CD160: variants seen among roughly 807,000 people sequenced by gnomAD.
CD160 encodes CD160 molecule, also known as CD160 antigen.
In CD160, 11 loss-of-function variants were observed where a neutral mutation model predicts 19.2. The ratio of observed to expected loss-of-function variants is 0.57; its 90% CI spans 0.36 to 0.95. The LOEUF is 0.95. Ranked by LOEUF, CD160 falls within the 40% of genes least tolerant of loss-of-function variation. CD160 has a pLI of 0.01. For missense variants in CD160, 182 were observed against 213.2 expected (o/e 0.85, Z 0.91); for synonymous variants, 75 against 81.1 (o/e 0.93, Z 0.40).
In CD160 at chr1:145,728,559, A is replaced by G. The variant is rs587725414; in HGVS notation, c.73+159A>G. 7.3e-5 allele frequency among the ~76,000 whole-genome samples: 10 copies of G among 137,138 alleles called. No homozygotes were observed. In the East Asian group the frequency reaches 1.5e-3, roughly 20 times the overall value. The allele number at this position is 137,138 out of a possible 152,430, so 90.0% of individuals were successfully genotyped here. Reference sequence around the variant, plus strand: ...CGCTCTGTCACCCAGGCTGGAGTGCAGTGGCGCGATCTCGGCTCACTGCAA... The same window carrying G: ...CGCTCTGTCACCCAGGCTGGAGTGCGGTGGCGCGATCTCGGCTCACTGCAA... On this transcript the variant is annotated intron_variant, in intron 3 of 5. Transcript: ENST00000369288.
intron 4 of CD160, among the ~76,000 whole-genome samples, chr1:145,734,008 G>A (rs938834012): frequency 2.0e-5 from 3 of 152,146 alleles, no homozygotes; most frequent in Non-Finnish European, 1.5e-5. Flanking sequence ...CTATCCTCCT[G>A]AGACCCTATT....
chr1:145,732,264 G>A (rs782169902), intron 4 of CD160, among the ~76,000 whole-genome samples: 3 of 152,188 alleles, frequency 2.0e-5, no homozygotes, highest in South Asian at 2.1e-4. Context: ...GAGATGCAAT[G>A]ACTCAAAAAA....
At chr1:145,722,693 G>A (rs1452171905) in intron 1 of CD160, among the ~76,000 whole-genome samples, 1 of 152,168 alleles carries the variant, frequency 6.6e-6, no homozygotes, top group Non-Finnish European at 1.5e-5. Flanking sequence ...TCGGGCTCAC[G>A]CCATTCTCCT....
intron 4 of CD160, among the ~76,000 whole-genome samples, chr1:145,735,126 T>C (rs1553709930): frequency 6.6e-6 from 1 of 151,958 alleles, no homozygotes; most frequent in East Asian, 1.9e-4. Flanking sequence ...AATAATAAAA[T>C]AAAATAAAAA....
intron 1 of CD160, among the ~76,000 whole-genome samples, chr1:145,722,365 G>C (rs1384753452): frequency 2.0e-5 from 3 of 152,236 alleles, no homozygotes; most frequent in African/African-American, 7.2e-5. Context: ...AGATAGTTAA[G>C]TTTCAAAGCC....
At chr1:145,727,517 C>T (rs1553708544) in intron 2 of CD160, among the ~76,000 whole-genome samples, 4 of 151,684 alleles carry the variant, frequency 2.6e-5, no homozygotes. Context: ...CTAAACAATG[C>T]AGGAAACCCA....
chr1:145,730,378 G>T (rs1437698031), intron 3 of CD160, among the ~76,000 whole-genome samples: 1 of 152,118 alleles, frequency 6.6e-6, no homozygotes, highest in East Asian at 1.9e-4. Flanking sequence ...GGAAAAAAAA[G>T]TTCTGACAGT....
chr1:145,730,986 C>G lies in CD160; in HGVS notation c.316C>G (p.His106Asp), dbSNP rs782663006. 1.2e-6 allele frequency: 2 copies of G among 1,614,150 alleles called. No homozygotes were observed. The highest frequency in any genetic ancestry group is 1.1e-5 in the South Asian group (1 of 91,078). The change falls in exon 4 of 6, where the codon CAC (histidine) becomes GAC (aspartate). Residue 106 changes from histidine to aspartate, a missense_variant. Coordinates refer to ENST00000369288, the MANE Select transcript of CD160 (RefSeq NM_007053.4). ...CACCATAAGCCAAGTCACACCGTTG[C>G]ACAGTGGGACCTACCAGTGTTGTGC... ...MFTISQVTPL[H>D]SGTYQCCARS... is the part of the protein sequence containing the mutation.
intron 2 of CD160, among the ~76,000 whole-genome samples, chr1:145,725,407 T>C (rs1657019867): frequency 1.3e-5 from 2 of 152,106 alleles, no homozygotes; most frequent in South Asian, 2.1e-4. Flanking sequence ...ATCGTGCCAC[T>C]GCACTCCAGC....
intron 5 of CD160, 183 bp downstream of exon 5, chr1:145,736,317 G>A (rs1359199289): frequency 2.6e-6 from 4 of 1,526,760 alleles, no homozygotes; most frequent in African/African-American, 2.7e-5. Context: ...AGGCACTAAG[G>A]AGGAAGACAG....
chr1:145,733,999 T>C (rs1424823466), intron 4 of CD160, among the ~76,000 whole-genome samples: 2 of 152,204 alleles, frequency 1.3e-5, no homozygotes, highest in African/African-American at 2.4e-5. Context: ...GTATCAAAGC[T>C]ATCCTCCTGA....
In CD160 at chr1:145,731,008, G is replaced by A; in HGVS notation, c.338G>A (p.Cys113Tyr). The A allele has an allele frequency of 1.2e-6, 2 of 1,614,170 alleles. No individual in the cohort carries two copies. The highest frequency in any genetic ancestry group is 2.2e-5 in the South Asian group (2 of 91,084). The change falls in exon 4 of 6, where the codon TGT becomes TAT. Residue 113 changes from cysteine to tyrosine, a missense_variant. Physicochemically the swap from Cys to Tyr is radical, Grantham distance 194 (BLOSUM62 -2). Transcript: ENST00000369288. The stretch of plus-strand genomic sequence containing the variant: ...TTGCACAGTGGGACCTACCAGTGTT[G>A]TGCCAGAAGCCAGAAGTCAGGTATC... ...TPLHSGTYQC[C>Y]ARSQKSGIRL... is the part of the protein sequence containing the mutation.
intron 1 of CD160, among the ~76,000 whole-genome samples, chr1:145,723,420 A>G (rs1656927962): frequency 6.6e-6 from 1 of 152,174 alleles, no homozygotes; most frequent in Non-Finnish European, 1.5e-5. Context: ...TATCCAGGAA[A>G]ATTTTTAATC....
chr1:145,727,688 G>A (rs1481817992), intron 2 of CD160, among the ~76,000 whole-genome samples: 2 of 152,102 alleles, frequency 1.3e-5, no homozygotes, highest in African/African-American at 2.4e-5. Flanking sequence ...TCTCTAATAC[G>A]GAGAAAGTGC....
At chr1:145,723,187 G>C (rs1336963305) in intron 1 of CD160, among the ~76,000 whole-genome samples, 2 of 152,106 alleles carry the variant, frequency 1.3e-5, no homozygotes, top group African/African-American at 4.8e-5. Context: ...GCTGCTGCTG[G>C]GATGTTTTAT....
intron 3 of CD160, among the ~76,000 whole-genome samples, chr1:145,729,376 G>T (rs782101416): frequency 6.6e-6 from 1 of 152,178 alleles, no homozygotes; most frequent in South Asian, 2.1e-4. Context: ...CAAGGGAGTG[G>T]GGGAGGGGGC....
chr1:145,726,000 T>C (rs187817763), intron 2 of CD160, among the ~76,000 whole-genome samples: 82 of 152,034 alleles, frequency 5.4e-4, no homozygotes, highest in Admixed American at 4.8e-3. Flanking sequence ...CTTTCATATA[T>C]GAACAATAAT....
intron 1 of CD160, among the ~76,000 whole-genome samples, chr1:145,720,171 C>G (rs1278497244): frequency 6.6e-6 from 1 of 152,204 alleles, no homozygotes; most frequent in Non-Finnish European, 1.5e-5. Context: ...ATGTCCTTAA[C>G]GCTCAGCACT....
rs781948047 is a variant in CD160 at position 145,730,932 on chromosome 1, G to A, written c.262G>A (p.Val88Ile). 6 of 1,614,112 alleles carry A rather than the reference G, an allele frequency of 3.7e-6. No individual in the cohort carries two copies. The highest frequency in any genetic ancestry group is 5.1e-6 in the Non-Finnish European group (6 of 1,179,944). ...RLKRDPGIDG[V>I]GEISSQLMFT... ...TAAAAGGGATCCTGGGATAGATGGT[G>A]TTGGTGAAATATCATCTCAGTTGAT... Residue 88 changes from valine to isoleucine, a missense_variant, in exon 4 of 6, where the codon GTT becomes ATT. Physicochemically the swap from Val to Ile is conservative, Grantham distance 29. Coordinates refer to ENST00000369288, the MANE Select transcript of CD160 (RefSeq NM_007053.4).
Sources: gnomAD v4.1 joint callset for allele counts (sites outside exome capture counted in the v4.1 genomes callset) on GRCh38, gnomAD v4.1.1 for gene constraint, MANE v1.5 for transcripts, NCBI Gene and HGNC (gene_info 2026-07-23, HGNC 2026-07-21) for gene names.